GRK1: variants seen among roughly 807,000 people sequenced by gnomAD.
The protein encoded by GRK1 is G protein-coupled receptor kinase 1.
Under a neutral mutation model 41.7 loss-of-function variants are expected in GRK1, and 28 were observed. The observed-to-expected ratio is 0.67, with a 90% CI of 0.50 to 0.92. The LOEUF is 0.92. Among genes scored for constraint, GRK1 ranks in the 40% least tolerant of loss-of-function variants. The probability of loss-of-function intolerance (pLI) is 0.00; values close to 1 mark genes in which losing one functional copy is unlikely to be tolerated. For missense variants in GRK1, 703 were observed against 671.2 expected (o/e 1.05, Z -0.52); for synonymous variants, 327 against 286.7 (o/e 1.14, Z -1.42).
upstream of GRK1, among the ~76,000 whole-genome samples, chr13:113,664,531 T>G (rs2140712472): frequency 6.6e-6 from 1 of 152,366 alleles, no homozygotes. The surrounding 1 kb of genome is among the most constrained non-coding windows in gnomAD (Gnocchi z 5.4). Context: ...AACCCTGTGA[T>G]GGACACGTTT....
intron 2 of GRK1, among the ~76,000 whole-genome samples, chr13:113,670,817 G>A (rs2049852073): frequency 6.6e-6 from 1 of 151,076 alleles, no homozygotes. Flanking sequence ...CCAGGCGGAG[G>A]GGAGGGGACA....
At chr13:113,649,598 T>C in the GRK1 span, 2 of 1,438,622 alleles carry the variant, frequency 1.4e-6, no homozygotes, top group African/African-American at 1.5e-5. This position sits in a 1 kb window ranked among gnomAD's most constrained non-coding sequence, Gnocchi z 4.7. Context: ...GAGAGAAAAC[T>C]AAGCAAGGAA....
intron 4 of GRK1, among the ~76,000 whole-genome samples, chr13:113,725,248 T>C (rs2049883868): frequency 1.3e-5 from 2 of 152,132 alleles, no homozygotes; most frequent in South Asian, 4.1e-4. Context: ...CCCTTGCCAG[T>C]GCGGTGCGGA....
the GRK1 span, among the ~76,000 whole-genome samples, chr13:113,656,974 G>T: frequency 6.6e-6 from 1 of 152,084 alleles, no homozygotes. Flanking sequence ...TTCTGCCCCC[G>T]GTCCCTGCCT....
At chr13:113,654,867 A>G in the GRK1 span, 45 of 1,614,244 alleles carry the variant, frequency 2.8e-5, 2 homozygotes, top group South Asian at 4.9e-4. Flanking sequence ...CACTGTCTGC[A>G]TCAGCACATA....
the GRK1 span, chr13:113,648,755 G>A: frequency 6.6e-6 from 1 of 152,182 alleles, no homozygotes; most frequent in Non-Finnish European, 1.5e-5. Context: ...CCACACCAAC[G>A]TGGTTTTTGT....
In GRK1 at chr13:113,735,543, G is replaced by A. The variant is rs1008128376; in HGVS notation, c.*180G>A. 8 of 607,944 alleles carry A rather than the reference G, an allele frequency of 1.3e-5. No individual in the cohort carries two copies. Among genetic ancestry groups the A allele is most frequent in the South Asian group, 3.1e-5 (1 of 31,782 alleles). 37.7% of individuals were successfully genotyped at this position (607,944 alleles called of 1,614,324 possible). A position where few individuals can be genotyped will look rare whatever the true frequency, so the allele number is the denominator to read the frequency against. On this transcript the variant is annotated 3_prime_UTR_variant, in exon 7 of 7. Coordinates refer to ENST00000335678, the MANE Select transcript of GRK1 (RefSeq NM_002929.3). ...GAGAAAGCCCACATCGGCCTGAGCC[G>A]CCAGACGCACATGCTGGTGCCGTGA...
the GRK1 span, chr13:113,658,192 C>A: frequency 4.5e-6 from 7 of 1,550,136 alleles, no homozygotes; most frequent in Non-Finnish European, 6.2e-6. Flanking sequence ...CCCTCTACGC[C>A]CAGACTGAGG....
intron 4 of GRK1, among the ~76,000 whole-genome samples, chr13:113,729,941 C>T (rs1332268588): frequency 6.0e-5 from 9 of 150,250 alleles, no homozygotes; most frequent in African/African-American, 2.2e-4. Flanking sequence ...CCAAGACAGT[C>T]CCCGCGGCTG....
chr13:113,723,658 T>A (rs1247096649), intron 4 of GRK1, among the ~76,000 whole-genome samples: 1 of 152,126 alleles, frequency 6.6e-6, no homozygotes, highest in Non-Finnish European at 1.5e-5. Flanking sequence ...GGACTTTGAA[T>A]ACAATGGGAG....
the GRK1 span, chr13:113,658,137 G>C: frequency 3.7e-6 from 6 of 1,612,248 alleles, no homozygotes; most frequent in Non-Finnish European, 4.2e-6. Flanking sequence ...CTCCTGCAGA[G>C]CCGCCATCGT....
intron 6 of GRK1, among the ~76,000 whole-genome samples, chr13:113,734,173 AACTT>A (rs2049985249): frequency 2.2e-5 from 3 of 137,154 alleles, no homozygotes; most frequent in South Asian, 5.0e-4. Flanking sequence ...CAGTGTGACT[AACTT>A]AGGACAGGGC....
At chr13:113,727,507 C>G (rs1468209588) in intron 4 of GRK1, among the ~76,000 whole-genome samples, 1 of 152,020 alleles carries the variant, frequency 6.6e-6, no homozygotes, top group African/African-American at 2.4e-5. Context: ...TGGCCTTGGA[C>G]AAGTTGCTGC....
Position 113,671,045 on chromosome 13 carries a change from CT to C in GRK1, c.828-453del, listed in dbSNP as rs1275870484. On this transcript the variant is annotated intron_variant, in intron 2 of 6. Coordinates refer to ENST00000335678, the MANE Select transcript of GRK1 (RefSeq NM_002929.3). The surrounding 1 kb of genome is among the most constrained non-coding windows in gnomAD (Gnocchi z 4.1). ...TTCTTTTATTTGTTAGGTTTTGCTTCTCTGCAAAACCTGTCCGTGGAAAACA... is the reference window on the plus strand; with the variant it reads ...TTCTTTTATTTGTTAGGTTTTGCTTCCTGCAAAACCTGTCCGTGGAAAACA... Among the ~76,000 whole-genome samples the C allele has an allele frequency of 6.6e-6, 1 of 152,206 alleles. No homozygotes were observed. Among genetic ancestry groups the C allele is most frequent in the African/African-American group, 2.4e-5 (1 of 41,448 alleles).
In GRK1 at chr13:113,732,867, T is replaced by C. The variant is rs2049946964; in HGVS notation, c.1195-17T>C. On this transcript the variant is annotated splice_polypyrimidine_tract_variant and intron_variant, in intron 5 of 6. Coordinates refer to ENST00000335678, the MANE Select transcript of GRK1 (RefSeq NM_002929.3). ...GAGGCGGGTCTGGCAGGGCTAAGGC[T>C]ACGCGTGTCCCCACAGGTGGAGAAC... The C allele has an allele frequency of 2.6e-6, 4 of 1,535,526 alleles. No homozygotes were observed. In the East Asian group the frequency reaches 9.8e-5, roughly 38 times the overall value.
intron 4 of GRK1, among the ~76,000 whole-genome samples, chr13:113,723,931 T>C (rs999966995): frequency 2.6e-5 from 4 of 151,290 alleles, no homozygotes; most frequent in East Asian, 1.9e-4. Context: ...TGTGCACACA[T>C]GTGTATCCGT....
At position 113,669,712 on chromosome 13, in the gene GRK1, T is replaced by C; in HGVS notation, c.725T>C (p.Leu242Pro). 1 of 1,614,002 alleles carries C rather than the reference T, an allele frequency of 6.2e-7. No homozygotes were observed. The highest frequency in any genetic ancestry group is 1.6e-4 in the Middle Eastern group (1 of 6,062). Residue 242 changes from leucine (L) to proline (P), a missense_variant, in exon 2 of 7, where the codon CTG (leucine) becomes CCG (proline). By Grantham distance (98) the Leu-to-Pro change is moderately conservative. Coordinates refer to ENST00000335678, the MANE Select transcript of GRK1 (RefSeq NM_002929.3). Reference protein sequence around the residue: ...YQGAMVEKKILMKVHSRFIVS... With the variant: ...YQGAMVEKKIPMKVHSRFIVS... ...GGTGCTATGGTGGAGAAGAAGATTC[T>C]GATGAAAGTACACAGCAGGTTCATC...
In GRK1 at chr13:113,669,697, T is replaced by C. The variant is rs1340588858; in HGVS notation, c.710T>C (p.Val237Ala). ...CGTCTCACTTTTCAGGGTGCTATGG[T>C]GGAGAAGAAGATTCTGATGAAAGTA... ...KKRKGYQGAM[V>A]EKKILMKVHS... The change falls in exon 2 of 7, where the codon GTG becomes GCG. Residue 237 changes from valine to alanine, a missense_variant. Val to Ala is a moderately conservative substitution (Grantham distance 64, BLOSUM62 0). Transcript: ENST00000335678. 8 of 1,613,864 alleles carry C rather than the reference T, an allele frequency of 5.0e-6. No homozygotes were observed. Among genetic ancestry groups the C allele is most frequent in the Non-Finnish European group, 6.8e-6 (8 of 1,179,862 alleles).
In GRK1 at chr13:113,667,361, G is replaced by A. The variant is rs777683523; in HGVS notation, c.-26G>A. ...TTGGCCTCGGCTGATGGGCCCTCACGCCTGAAGCGGGCAGGAAGCTCCGGG... is the reference window on the plus strand; with the variant it reads ...TTGGCCTCGGCTGATGGGCCCTCACACCTGAAGCGGGCAGGAAGCTCCGGG... On this transcript the variant is annotated 5_prime_UTR_variant, in exon 1 of 7. Coordinates refer to ENST00000335678, the MANE Select transcript of GRK1 (RefSeq NM_002929.3). This position sits in a 1 kb window ranked among gnomAD's most constrained non-coding sequence, Gnocchi z 7.5. 1.1e-5 allele frequency: 16 copies of A among 1,517,634 alleles called. No homozygotes were observed. The East Asian group carries it at 1.2e-4, about 11-fold the overall frequency. The allele number at this position is 1,517,634 out of a possible 1,614,324, so 94.0% of individuals were successfully genotyped here. A position where few individuals can be genotyped will look rare whatever the true frequency, so the allele number is the denominator to read the frequency against.
Sources: allele counts gnomAD v4.1 joint callset (sites outside exome capture counted in the v4.1 genomes callset), GRCh38; gene constraint gnomAD v4.1.1; non-coding constraint Gnocchi (gnomAD v3.1); transcripts MANE v1.5; gene names NCBI Gene and HGNC (gene_info 2026-07-23, HGNC 2026-07-21).